Variants in DIAPH2 observed in about 807,000 individuals in gnomAD.
The protein encoded by DIAPH2 is diaphanous related formin 2.
A neutral mutation model predicts 92.7 loss-of-function variants in DIAPH2; 35 were observed. That is an observed-to-expected ratio of 0.38 (90% CI 0.29 to 0.50). The LOEUF is 0.50. Among genes scored for constraint, DIAPH2 ranks in the 20% least tolerant of loss-of-function variants. The pLI is 0.94. For missense variants in DIAPH2, 701 were observed against 819.5 expected, an observed-to-expected ratio of 0.86 and a Z score of 1.77; for synonymous variants, 301 against 280.4, an observed-to-expected ratio of 1.07 and a Z score of -0.73.
intron 23 of DIAPH2, among the ~76,000 whole-genome samples, chrX:97,337,701 A>G (rs1189912827): frequency 1.8e-5 from 2 of 110,362 alleles, no homozygotes; most frequent in Non-Finnish European, 3.8e-5. Context: ...AAAAGGTGTA[A>G]AAGTGAGGTG....
chrX:96,920,359 GTA>G (rs1339573870), intron 9 of DIAPH2, among the ~76,000 whole-genome samples: 2 of 111,613 alleles, frequency 1.8e-5, no homozygotes, highest in African/African-American at 6.5e-5. Flanking sequence ...AGATATATGT[GTA>G]TGTTTGTACT....
At chrX:97,127,103 G>GTACTACTT in intron 21 of DIAPH2, among the ~76,000 whole-genome samples, 1 of 111,596 alleles carries the variant, frequency 9.0e-6, no homozygotes, top group East Asian at 2.8e-4. Context: ...TAGTATAATG[G>GTACTACTT]TACTACTTAT....
intron 22 of DIAPH2, among the ~76,000 whole-genome samples, chrX:97,161,424 G>C (rs1369337394): frequency 1.8e-5 from 2 of 109,091 alleles, no homozygotes; most frequent in Non-Finnish European, 3.8e-5. Flanking sequence ...TTTTTCTTGA[G>C]AAGTCTCACT....
chrX:96,866,758 A>G (rs1466324498), intron 4 of DIAPH2, among the ~76,000 whole-genome samples: 1 of 112,228 alleles, frequency 8.9e-6, no homozygotes, highest in African/African-American at 3.2e-5. Flanking sequence ...GAAAATATTT[A>G]GTATCTATAT....
At chrX:97,145,282 CAGTAGTAGT>C (rs3044923) in intron 22 of DIAPH2, among the ~76,000 whole-genome samples, 13 of 92,096 alleles carry the variant, frequency 1.4e-4, no homozygotes, top group Non-Finnish European at 2.5e-4. Context: ...GAACTACTAC[CAGTAGTAGT>C]AGTAGTAGTA....
chrX:96,798,343 C>A (rs774573155), intron 4 of DIAPH2, among the ~76,000 whole-genome samples: 5 of 110,817 alleles, frequency 4.5e-5, no homozygotes, highest in African/African-American at 1.3e-4. Context: ...TTCTTTTTAC[C>A]ATTATCTTAA....
At chrX:97,078,051 C>CT (rs2066716871) in intron 19 of DIAPH2, among the ~76,000 whole-genome samples, 2 of 111,501 alleles carry the variant, frequency 1.8e-5, no homozygotes, top group East Asian at 5.7e-4. Flanking sequence ...TCAGTCAGTG[C>CT]TTTTTAGGAT....
chrX:97,018,605 T>C (rs2066276077), intron 17 of DIAPH2, among the ~76,000 whole-genome samples: 1 of 112,196 alleles, frequency 8.9e-6, no homozygotes, highest in Non-Finnish European at 1.9e-5. Flanking sequence ...CTATTTGTTA[T>C]TGTTTTAATT....
chrX:97,128,286 T>C (rs2067107336), intron 21 of DIAPH2, among the ~76,000 whole-genome samples: 1 of 110,924 alleles, frequency 9.0e-6, no homozygotes, highest in South Asian at 3.9e-4. Flanking sequence ...TTGTAAATTG[T>C]CATGGCGCTG....
In DIAPH2 at chrX:96,954,679, ACAGTTTCCT is replaced by A. The variant is rs1463171993; in HGVS notation, c.1615-3146_1615-3138del. 2.7e-5 allele frequency among the ~76,000 whole-genome samples: 3 copies of A among 112,586 alleles called. No homozygotes were observed. The East Asian group carries it at 8.3e-4, about 31-fold the overall frequency. On this transcript the variant is annotated intron_variant, in intron 15 of 26. Transcript: ENST00000324765. The stretch of plus-strand genomic sequence containing the variant: ...AGTCATTTAACTTTTTCTGCAGCTA[ACAGTTTCCT>A]CATCTTTAAGCAGTGAAATAAAGGT...
chrX:97,569,136 T>C (rs1178154255), intron 26 of DIAPH2, among the ~76,000 whole-genome samples: 1 of 111,762 alleles, frequency 8.9e-6, no homozygotes, highest in African/African-American at 3.3e-5. Context: ...AGACAGTGTC[T>C]GGAATGCTAA....
chrX:96,809,689 C>A (rs771413616), intron 4 of DIAPH2, among the ~76,000 whole-genome samples: 7 of 110,776 alleles, frequency 6.3e-5, no homozygotes, highest in African/African-American at 2.3e-4. Context: ...CATGACAGGC[C>A]CCAGTGTGTG....
At chrX:97,179,812 A>G (rs1019468196) in intron 22 of DIAPH2, among the ~76,000 whole-genome samples, 2 of 112,064 alleles carry the variant, frequency 1.8e-5, no homozygotes, top group Non-Finnish European at 3.8e-5. Flanking sequence ...AGAGTTCCAC[A>G]TGGCTGGGGA....
intron 24 of DIAPH2, among the ~76,000 whole-genome samples, chrX:97,351,599 A>T (rs1416925136): frequency 9.0e-6 from 1 of 111,331 alleles, no homozygotes; most frequent in Non-Finnish European, 1.9e-5. Context: ...GTGGATCACA[A>T]GGTCAAGAGA....
At chrX:97,105,055 C>T (rs1012051323) in intron 20 of DIAPH2, among the ~76,000 whole-genome samples, 11 of 111,219 alleles carry the variant, frequency 9.9e-5, no homozygotes, top group Non-Finnish European at 1.5e-4. Flanking sequence ...AGCTTGAGCT[C>T]GGGAGGCAGA....
chrX:97,347,519 G>A (rs772928610), intron 23 of DIAPH2, among the ~76,000 whole-genome samples: 2 of 110,850 alleles, frequency 1.8e-5, no homozygotes, highest in East Asian at 5.6e-4. Context: ...ATATGAGGCC[G>A]TTTTCTGGTA....
intron 19 of DIAPH2, among the ~76,000 whole-genome samples, chrX:97,085,162 A>G (rs1187137238): frequency 8.9e-6 from 1 of 111,773 alleles, no homozygotes; most frequent in Non-Finnish European, 1.9e-5. Flanking sequence ...AGAATCATAT[A>G]TTCTATATTT....
chrX:97,238,791 A>C (rs1196733065), intron 22 of DIAPH2, among the ~76,000 whole-genome samples: 1 of 111,893 alleles, frequency 8.9e-6, no homozygotes, highest in East Asian at 2.8e-4. Flanking sequence ...CTTGAGAAAG[A>C]ATGCAACAGT....
intron 22 of DIAPH2, among the ~76,000 whole-genome samples, chrX:97,152,637 C>G (rs113615082): frequency 1.8e-5 from 2 of 111,789 alleles, no homozygotes; most frequent in African/African-American, 6.5e-5. Flanking sequence ...GAGAGAGAAA[C>G]AAGAGAGAGT....
Sources: gnomAD v4.1 joint callset for allele counts (sites outside exome capture counted in the v4.1 genomes callset) on GRCh38, gnomAD v4.1.1 for gene constraint, MANE v1.5 for transcripts, NCBI Gene and HGNC (gene_info 2026-07-23, HGNC 2026-07-21) for gene names.